NUBPL: variants seen among roughly 807,000 people sequenced by gnomAD.
NUBPL encodes iron-sulfur cluster transfer protein NUBPL.
In NUBPL, 31 loss-of-function variants were observed where a neutral mutation model predicts 45.7. The observed-to-expected ratio is 0.68, with a 90% confidence interval of 0.51 to 0.92. The LOEUF is 0.92. NUBPL is among the 40% of genes least tolerant of loss of function. The probability of loss-of-function intolerance (pLI) is 0.00; values close to 1 mark genes in which losing one functional copy is unlikely to be tolerated. For missense variants in NUBPL, 401 were observed against 398.7 expected (o/e 1.01, Z -0.05); for synonymous variants, 144 against 140.9 (o/e 1.02, Z -0.15).
chr14:31,562,366 C>G, intron 2 of NUBPL, 151 bp downstream of exon 2: 1 of 790,824 alleles, frequency 1.3e-6, no homozygotes, highest in East Asian at 2.8e-5. Context: ...AGCGGGTAGA[C>G]GCTTAGATTT....
chr14:31,705,978 C>T (rs1469575020), intron 6 of NUBPL, among the ~76,000 whole-genome samples: 1 of 152,220 alleles, frequency 6.6e-6, no homozygotes, highest in African/African-American at 2.4e-5. Context: ...GTGCCTCTCC[C>T]TCCACACCTC....
intron 2 of NUBPL, among the ~76,000 whole-genome samples, chr14:31,562,595 T>TG (rs1004027330): frequency 8.1e-6 from 1 of 123,678 alleles, no homozygotes; most frequent in African/African-American, 3.2e-5. Flanking sequence ...CTAGTAACTT[T>TG]TTTTTTTTGT....
chr14:31,658,276 C>T (rs957038467), intron 4 of NUBPL, among the ~76,000 whole-genome samples: 30 of 152,200 alleles, frequency 2.0e-4, no homozygotes, highest in Non-Finnish European at 1.5e-5. Flanking sequence ...AATGAAGAAA[C>T]AGGCCTTAAC....
chr14:31,672,080 C>A (rs927364640), intron 4 of NUBPL, among the ~76,000 whole-genome samples: 3 of 152,130 alleles, frequency 2.0e-5, no homozygotes, highest in Admixed American at 2.0e-4. Flanking sequence ...TTATTGTAAT[C>A]ATTTGTTGAC....
In NUBPL at chr14:31,635,863, G is replaced by T. The variant is rs182928189; in HGVS notation, c.382+36484G>T. ...TTCTCCTTGAAGCAATTGTGAATGG[G>T]CGTTCACTCATGATTTGGCTCTCTG... On this transcript the variant is annotated intron_variant, in intron 4 of 10. Transcript: ENST00000281081. 2.4e-3 allele frequency among the ~76,000 whole-genome samples: 360 copies of T among 152,286 alleles called. 3 individuals carry two copies. The highest frequency in any genetic ancestry group is 0.017 in the Middle Eastern group (5 of 292).
chr14:31,757,823 G>A (rs1276650673), intron 6 of NUBPL, among the ~76,000 whole-genome samples: 2 of 152,012 alleles, frequency 1.3e-5, no homozygotes, highest in African/African-American at 4.8e-5. Flanking sequence ...TAGCCTTGAG[G>A]TTCAACCTAG....
At chr14:31,600,104 T>C (rs1201650668) in intron 4 of NUBPL, among the ~76,000 whole-genome samples, 2 of 151,888 alleles carry the variant, frequency 1.3e-5, no homozygotes, top group Non-Finnish European at 2.9e-5. Context: ...GTATTTTTAG[T>C]ACAGATGGGG....
chr14:31,657,669 A>G (rs2036173273), intron 4 of NUBPL, among the ~76,000 whole-genome samples: 2 of 152,244 alleles, frequency 1.3e-5, no homozygotes, highest in East Asian at 1.9e-4. Flanking sequence ...AACAAGTGTA[A>G]TTTTGTGTTT....
chr14:31,590,590 G>GTTTA (rs1348620214), intron 3 of NUBPL, among the ~76,000 whole-genome samples: 1 of 152,180 alleles, frequency 6.6e-6, no homozygotes, highest in East Asian at 1.9e-4. Flanking sequence ...CTTCATTGCA[G>GTTTA]TTTAGTTAAG....
Position 31,729,208 on chromosome 14 carries a change from G to A in NUBPL, c.513+55634G>A, listed in dbSNP as rs568849958. 7.2e-5 allele frequency among the ~76,000 whole-genome samples: 11 copies of A among 151,804 alleles called. No individual in the cohort carries two copies. In the South Asian group the frequency reaches 2.3e-3, roughly 32 times the overall value. On this transcript the variant is annotated intron_variant, in intron 6 of 10. Transcript: ENST00000281081. ...GCAAGAGAATCACTTGAACCTGGGA[G>A]GCAGAGGTTGCAATGAGCCAAGATT...
chr14:31,787,722 A>T, intron 6 of NUBPL, 58 bp from the exon 7 acceptor site: 3 of 1,093,672 alleles, frequency 2.7e-6, no homozygotes, highest in Non-Finnish European at 4.2e-6. Context: ...AATTTTGTTT[A>T]CATCACTATT....
At chr14:31,646,871 T>A (rs1370305364) in intron 4 of NUBPL, among the ~76,000 whole-genome samples, 2 of 152,050 alleles carry the variant, frequency 1.3e-5, no homozygotes, top group African/African-American at 4.8e-5. Flanking sequence ...GATAATTTTC[T>A]ATATCTTGTA....
chr14:31,710,188 G>A (rs1360254251), intron 6 of NUBPL, among the ~76,000 whole-genome samples: 1 of 152,126 alleles, frequency 6.6e-6, no homozygotes, highest in Non-Finnish European at 1.5e-5. Context: ...CAATGGCTTA[G>A]GATGCATTTC....
chr14:31,622,510 G>T (rs919245652), intron 4 of NUBPL, among the ~76,000 whole-genome samples: 5 of 151,936 alleles, frequency 3.3e-5, no homozygotes, highest in Admixed American at 6.6e-5. Flanking sequence ...CACGGGCTTA[G>T]GAGGGAAAAA....
At chr14:31,742,424 A>G (rs2038306237) in intron 6 of NUBPL, among the ~76,000 whole-genome samples, 1 of 152,144 alleles carries the variant, frequency 6.6e-6, no homozygotes, top group African/African-American at 2.4e-5. Context: ...GCAGATTCTG[A>G]TTCAGCAGGC....
chr14:31,653,050 C>T (rs548873136), intron 4 of NUBPL, among the ~76,000 whole-genome samples: 21 of 152,118 alleles, frequency 1.4e-4, no homozygotes, highest in Admixed American at 9.2e-4. Flanking sequence ...GGTGTACGAA[C>T]GGGAAGTGGG....
intron 6 of NUBPL, among the ~76,000 whole-genome samples, chr14:31,748,093 GT>G: frequency 6.6e-6 from 1 of 152,202 alleles, no homozygotes; most frequent in South Asian, 2.1e-4. Flanking sequence ...TAATTTCCCT[GT>G]ATTTGTACTA....
chr14:31,568,210 T>TA (rs1233681410), intron 3 of NUBPL, among the ~76,000 whole-genome samples: 1 of 152,200 alleles, frequency 6.6e-6, no homozygotes, highest in Non-Finnish European at 1.5e-5. Context: ...GGAAGGTAGA[T>TA]AAATTTGTAG....
intron 7 of NUBPL, among the ~76,000 whole-genome samples, chr14:31,814,969 G>A (rs150238002): frequency 0.35 from 53,491 of 151,952 alleles, 10,128 homozygotes; most frequent in South Asian, 0.44. Flanking sequence ...GTCAGGTAGC[G>A]TGATGCCTCC....
Sources: allele counts gnomAD v4.1 joint callset (sites outside exome capture counted in the v4.1 genomes callset), GRCh38; gene constraint gnomAD v4.1.1; transcripts MANE v1.5; gene names NCBI Gene and HGNC (gene_info 2026-07-23, HGNC 2026-07-21).